SH3BP4: variants seen among roughly 807,000 people sequenced by gnomAD.
SH3BP4 encodes the protein SH3 domain-binding protein 4.
In SH3BP4, 33 loss-of-function variants were observed where a neutral mutation model predicts 65.5. That is an observed-to-expected ratio of 0.50 (90% CI 0.38 to 0.67). The LOEUF (loss-of-function observed/expected upper bound fraction) is 0.67, where lower values mean the gene tolerates loss of function less well. Ranked by LOEUF, SH3BP4 falls within the 30% of genes least tolerant of loss-of-function variation. The pLI, the probability that SH3BP4 is intolerant of heterozygous loss-of-function variation, is 0.00. For missense variants in SH3BP4, 1,134 were observed against 1,261.4 expected, an observed-to-expected ratio of 0.90 and a Z score of 1.53; for synonymous variants, 552 against 545.5, an observed-to-expected ratio of 1.01 and a Z score of -0.17.
chr2:235,023,995 G>A lies in SH3BP4; in HGVS notation c.-132-10876G>A, dbSNP rs987917534. Among the ~76,000 whole-genome samples the A allele has an allele frequency of 8.5e-5, 13 of 152,250 alleles. No individual in the cohort carries two copies. In the East Asian group the frequency reaches 2.5e-3, roughly 29 times the overall value. On this transcript the variant is annotated intron_variant, in intron 2 of 5. Transcript: ENST00000392011. ...GACAGTGGGAGGGGAGGAGGGACAG[G>A]AATTCTGTCCCCTCTCATTTTCTTA...
intron 1 of SH3BP4, among the ~76,000 whole-genome samples, chr2:234,962,724 G>A (rs1054783164): frequency 3.3e-5 from 5 of 151,770 alleles, no homozygotes; most frequent in Admixed American, 2.6e-4. Context: ...TTTTCAATAA[G>A]TATTTATTGA....
intron 4 of SH3BP4, among the ~76,000 whole-genome samples, chr2:235,047,381 T>C (rs1695899039): frequency 6.6e-6 from 1 of 152,130 alleles, no homozygotes; most frequent in Non-Finnish European, 1.5e-5. Context: ...GCAGGGGACA[T>C]GAAACCCTCG....
intron 4 of SH3BP4, among the ~76,000 whole-genome samples, chr2:235,049,105 A>C: frequency 6.6e-6 from 1 of 152,284 alleles, no homozygotes; most frequent in South Asian, 2.1e-4. Flanking sequence ...AAGTTGTGTA[A>C]GTGAGTGAGG....
At chr2:235,015,134 A>G (rs1456263306) in intron 2 of SH3BP4, among the ~76,000 whole-genome samples, 4 of 152,250 alleles carry the variant, frequency 2.6e-5, no homozygotes, top group African/African-American at 4.8e-5. Flanking sequence ...TTAGTAATTG[A>G]TCAGTAGTTA....
chr2:235,029,601 G>T (rs1359337324), intron 2 of SH3BP4, among the ~76,000 whole-genome samples: 1 of 151,984 alleles, frequency 6.6e-6, no homozygotes, highest in East Asian at 1.9e-4. Context: ...GCTAATGTAT[G>T]TTTCCTAATA....
In SH3BP4 at chr2:235,041,286, G is replaced by A; in HGVS notation, c.517G>A (p.Gly173Arg). ...GGTCCAGACCAATCCATTTCTGAAT[G>A]GGAACGTGCCCGTCATGCCCAGCCT... ...NGVQTNPFLN[G>R]NVPVMPSLDE... is the part of the protein sequence containing the mutation. The change falls in exon 4 of 6, where the codon GGG becomes AGG. Residue 173 changes from glycine to arginine, a missense_variant. Physicochemically the swap from Gly to Arg is moderately radical, Grantham distance 125. Transcript: ENST00000392011. The surrounding 1 kb of genome is among the most constrained non-coding windows in gnomAD (Gnocchi z 6.0). 1 of 1,614,146 alleles carries A rather than the reference G, an allele frequency of 6.2e-7. No homozygotes were observed. Among genetic ancestry groups the A allele is most frequent in the Non-Finnish European group, 8.5e-7 (1 of 1,180,038 alleles).
rs2106244490 is a variant in SH3BP4, at chr2:234,967,395, A to G, written c.-207+15225A>G. Among the ~76,000 whole-genome samples the G allele has an allele frequency of 6.6e-6, 1 of 151,912 alleles. No homozygotes were observed. The highest frequency in any genetic ancestry group is 1.9e-4 in the East Asian group (1 of 5,152). ...ATGAGTTCAGACCTACAGCAGGAGC[A>G]CTCCTTGGAGGATGAGGGGAAGGCC... On this transcript the variant is annotated intron_variant, in intron 1 of 5. Transcript: ENST00000392011. The surrounding 1 kb of genome is among the most constrained non-coding windows in gnomAD (Gnocchi z 4.6).
At chr2:235,043,325 G>T (rs575761328) in intron 4 of SH3BP4, 78 bp downstream of exon 4, 6 of 1,187,320 alleles carry the variant, frequency 5.1e-6, no homozygotes, top group Non-Finnish European at 7.1e-6. Flanking sequence ...GCACATGGGC[G>T]TGGGCCGTGG....
chr2:235,053,051 A>G (rs931833229), intron 5 of SH3BP4, among the ~76,000 whole-genome samples: 1 of 152,238 alleles, frequency 6.6e-6, no homozygotes, highest in Non-Finnish European at 1.5e-5. Flanking sequence ...GTAGGGTTGA[A>G]TAATGCAATA....
At chr2:235,018,911 G>A (rs1340559900) in intron 2 of SH3BP4, among the ~76,000 whole-genome samples, 1 of 152,206 alleles carries the variant, frequency 6.6e-6, no homozygotes, top group Non-Finnish European at 1.5e-5. Flanking sequence ...GCTGAGCAGG[G>A]CTGCAGTGGC....
In SH3BP4 at chr2:235,055,656, AGTGT is replaced by A. The variant is rs966050354; in HGVS notation, c.*1849_*1852del. On this transcript the variant is annotated 3_prime_UTR_variant, in exon 6 of 6. Coordinates refer to ENST00000392011, the MANE Select transcript of SH3BP4 (RefSeq NM_014521.3). The stretch of plus-strand genomic sequence containing the variant: ...TTTATTTGGATATTTTAACCTGTTA[AGTGT>A]GTGTGTGTTTTCTGTACCCAACCAG... 6.6e-6 allele frequency: 1 copy of A among 152,630 alleles called. No individual in the cohort carries two copies. The highest frequency in any genetic ancestry group is 1.5e-5 in the Non-Finnish European group (1 of 68,036). 9.5% of individuals were successfully genotyped at this position (152,630 alleles called of 1,614,324 possible).
At chr2:235,018,546 C>A (rs1232204979) in intron 2 of SH3BP4, among the ~76,000 whole-genome samples, 2 of 152,158 alleles carry the variant, frequency 1.3e-5, no homozygotes, top group African/African-American at 4.8e-5. Flanking sequence ...CCTCCATGAT[C>A]TTTGCAAGCA....
At chr2:235,019,091 C>T (rs1485576998) in intron 2 of SH3BP4, among the ~76,000 whole-genome samples, 1 of 152,212 alleles carries the variant, frequency 6.6e-6, no homozygotes, top group Non-Finnish European at 1.5e-5. Flanking sequence ...GGAGCAAAGT[C>T]AGGCAGGGCC....
intron 2 of SH3BP4, chr2:235,008,613 C>T (rs1694376251): frequency 1.3e-5 from 2 of 152,242 alleles, no homozygotes; most frequent in Admixed American, 1.3e-4. Flanking sequence ...GCAGTGTCCT[C>T]TGGCTCTGGA....
chr2:234,997,440 C>T lies in SH3BP4; in HGVS notation c.-133+2064C>T, dbSNP rs576458741. Among the ~76,000 whole-genome samples, 2 of 152,286 alleles carry T rather than the reference C, an allele frequency of 1.3e-5. No individual in the cohort carries two copies. The highest frequency in any genetic ancestry group is 4.2e-4 in the South Asian group (2 of 4,816). On this transcript the variant is annotated intron_variant, in intron 2 of 5. Transcript: ENST00000392011. This position sits in a 1 kb window ranked among gnomAD's most constrained non-coding sequence, Gnocchi z 4.2. ...ATCCTGCTCCCACTGTCATCACCAT[C>T]AGAGGTAGTTTATCCTGGTGCCTGG...
At chr2:235,011,497 A>G (rs1200688825) in intron 2 of SH3BP4, among the ~76,000 whole-genome samples, 2 of 152,250 alleles carry the variant, frequency 1.3e-5, no homozygotes, top group Non-Finnish European at 2.9e-5. Flanking sequence ...ACCAGGAGTT[A>G]GGACTTGAAC....
At chr2:234,980,088 T>G (rs1415753765) in intron 1 of SH3BP4, among the ~76,000 whole-genome samples, 1 of 152,238 alleles carries the variant, frequency 6.6e-6, no homozygotes, top group African/African-American at 2.4e-5. Context: ...ATTATGTTCT[T>G]GAGGTTCATC....
At chr2:235,014,925 C>T (rs996144246) in intron 2 of SH3BP4, among the ~76,000 whole-genome samples, 8 of 152,198 alleles carry the variant, frequency 5.3e-5, no homozygotes, top group Admixed American at 3.3e-4. Flanking sequence ...AGTGACTTCT[C>T]AGTATTATCC....
chr2:235,038,376 CATATATATATATATATATATATATATAT>C (rs1177080438), intron 3 of SH3BP4, among the ~76,000 whole-genome samples: 5 of 12,362 alleles, frequency 4.0e-4, no homozygotes, highest in Non-Finnish European at 7.6e-4. Flanking sequence ...AATATATATA[CATATATATATATATATATATATATATAT>C]ATATATATAT....
Sources: allele counts gnomAD v4.1 joint callset (sites outside exome capture counted in the v4.1 genomes callset), GRCh38; gene constraint gnomAD v4.1.1; non-coding constraint Gnocchi (gnomAD v3.1); transcripts MANE v1.5; gene names NCBI Gene and HGNC (gene_info 2026-07-23, HGNC 2026-07-21).